The following NEMP2 variants were observed in gnomAD, a reference collection of about 807,000 sequenced individuals.
NEMP2 encodes the protein nuclear envelope integral membrane protein 2.
NEMP2 carries 53 observed loss-of-function variants against 54.2 expected under a neutral mutation model. The observed-to-expected ratio is 0.98, with a 90% CI of 0.78 to 1.23. NEMP2 has a LOEUF of 1.23. Among genes scored for constraint, NEMP2 ranks in the 50% most tolerant of loss-of-function variants. The probability of loss-of-function intolerance (pLI) is 0.00; values close to 1 mark genes in which losing one functional copy is unlikely to be tolerated. For missense variants in NEMP2, 455 were observed against 511.3 expected (o/e 0.89, Z 1.06); for synonymous variants, 197 against 190.3 (o/e 1.04, Z -0.29).
the NEMP2 span, among the ~76,000 whole-genome samples, chr2:190,448,448 G>A: frequency 6.6e-6 from 1 of 152,120 alleles, no homozygotes; most frequent in Non-Finnish European, 1.5e-5. Flanking sequence ...ATTCAATATG[G>A]TATAGTCATA....
the NEMP2 span, among the ~76,000 whole-genome samples, chr2:190,587,068 C>T: frequency 6.6e-6 from 1 of 152,096 alleles, no homozygotes; most frequent in Non-Finnish European, 1.5e-5. This position sits in a 1 kb window ranked among gnomAD's most constrained non-coding sequence, Gnocchi z 5.4. Context: ...TCCCAGTCAC[C>T]GGCTGTTCAA....
the NEMP2 span, among the ~76,000 whole-genome samples, chr2:190,562,877 T>C: frequency 1.3e-5 from 2 of 152,220 alleles, no homozygotes; most frequent in Non-Finnish European, 2.9e-5. The surrounding 1 kb of genome is among the most constrained non-coding windows in gnomAD (Gnocchi z 5.0). Flanking sequence ...CTCATTCCCC[T>C]GCTCTGTTTT....
At chr2:190,550,487 C>G in the NEMP2 span, among the ~76,000 whole-genome samples, 1 of 152,196 alleles carries the variant, frequency 6.6e-6, no homozygotes, top group African/African-American at 2.4e-5. The surrounding 1 kb of genome is among the most constrained non-coding windows in gnomAD (Gnocchi z 4.7). Flanking sequence ...CACAAACATT[C>G]AAACCATAGC....
intron 5 of NEMP2, among the ~76,000 whole-genome samples, chr2:190,517,090 CAAA>C (rs56324449): frequency 8.8e-4 from 79 of 89,350 alleles, no homozygotes; most frequent in African/African-American, 1.8e-3. Flanking sequence ...GACTGTGTCT[CAAA>C]AAAAAAAAAA....
downstream of NEMP2, chr2:190,499,936 C>G (rs925872517): frequency 6.3e-7 from 1 of 1,596,532 alleles, no homozygotes; most frequent in African/African-American, 1.3e-5. The surrounding 1 kb of genome is among the most constrained non-coding windows in gnomAD (Gnocchi z 6.0). Flanking sequence ...TGTTTCCTGT[C>G]TTACTTGAAA....
chr2:190,548,825 A>G, the NEMP2 span, among the ~76,000 whole-genome samples: 3 of 152,218 alleles, frequency 2.0e-5, no homozygotes, highest in East Asian at 3.8e-4. Flanking sequence ...CAAGAAGTAG[A>G]ATTTTCCAGC....
the NEMP2 span, among the ~76,000 whole-genome samples, chr2:190,616,692 T>G: frequency 6.6e-6 from 1 of 152,228 alleles, no homozygotes; most frequent in East Asian, 1.9e-4. The surrounding 1 kb of genome is among the most constrained non-coding windows in gnomAD (Gnocchi z 5.1). Flanking sequence ...GATACAGGAC[T>G]CATGCTGAGT....
At chr2:190,488,536 A>G in the NEMP2 span, 1 of 929,832 alleles carries the variant, frequency 1.1e-6, no homozygotes, top group Non-Finnish European at 1.5e-6. This position sits in a 1 kb window ranked among gnomAD's most constrained non-coding sequence, Gnocchi z 6.4. Flanking sequence ...TAAATTTTTA[A>G]TGTATGTTTT....
At chr2:190,483,835 CAAAAAAA>C in the NEMP2 span, among the ~76,000 whole-genome samples, 29 of 86,660 alleles carry the variant, frequency 3.3e-4, no homozygotes, top group South Asian at 8.9e-4. Context: ...AACTCATTTT[CAAAAAAA>C]AAAAAAAAAA....
At chr2:190,622,235 C>T in the NEMP2 span, among the ~76,000 whole-genome samples, 1 of 151,836 alleles carries the variant, frequency 6.6e-6, no homozygotes, top group Non-Finnish European at 1.5e-5. Context: ...GATCCTGTCT[C>T]CAAGAAAATA....
the NEMP2 span, chr2:190,609,198 C>T: frequency 1.3e-5 from 2 of 152,140 alleles, no homozygotes; most frequent in African/African-American, 4.8e-5. This position sits in a 1 kb window ranked among gnomAD's most constrained non-coding sequence, Gnocchi z 4.7. Context: ...AGCTTATATA[C>T]CTTCTAAGCT....
At chr2:190,428,857 G>T in the NEMP2 span, among the ~76,000 whole-genome samples, 2 of 151,882 alleles carry the variant, frequency 1.3e-5, no homozygotes, top group African/African-American at 2.4e-5. Context: ...AGTTTTAATA[G>T]AGATGGGGTT....
the NEMP2 span, among the ~76,000 whole-genome samples, chr2:190,627,674 T>C: frequency 6.6e-6 from 1 of 152,214 alleles, no homozygotes; most frequent in South Asian, 2.1e-4. The surrounding 1 kb of genome is among the most constrained non-coding windows in gnomAD (Gnocchi z 4.4). Context: ...TCTATTCTTT[T>C]TATTGCCAAT....
rs937472785 is a variant in NEMP2, at chr2:190,512,366, A to G, written c.954-1829T>C. Among the ~76,000 whole-genome samples, 2 of 152,194 alleles carry G rather than the reference A, an allele frequency of 1.3e-5. No homozygotes were observed. The highest frequency in any genetic ancestry group is 4.8e-5 in the African/African-American group (2 of 41,436). ...GGCCTATAGTAGGTGTTCAATAAGG[A>G]TAATCAAAAGAGTAGTTACCATATA... On this transcript the variant is annotated intron_variant, in intron 7 of 8. Transcript: ENST00000409150. The surrounding 1 kb of genome is among the most constrained non-coding windows in gnomAD (Gnocchi z 4.5).
At chr2:190,587,851 C>A in the NEMP2 span, among the ~76,000 whole-genome samples, 2 of 152,248 alleles carry the variant, frequency 1.3e-5, no homozygotes, top group Admixed American at 1.3e-4. This position sits in a 1 kb window ranked among gnomAD's most constrained non-coding sequence, Gnocchi z 5.4. Flanking sequence ...GGTGAGGGAA[C>A]TTCCTCACCA....
the NEMP2 span, among the ~76,000 whole-genome samples, chr2:190,481,767 C>T: frequency 2.0e-5 from 3 of 152,218 alleles, no homozygotes; most frequent in Non-Finnish European, 4.4e-5. Flanking sequence ...GGAATGTTGG[C>T]TTTTAACACA....
At chr2:190,456,291 A>G in the NEMP2 span, among the ~76,000 whole-genome samples, 1 of 152,088 alleles carries the variant, frequency 6.6e-6, no homozygotes, top group Non-Finnish European at 1.5e-5. This position sits in a 1 kb window ranked among gnomAD's most constrained non-coding sequence, Gnocchi z 5.4. Context: ...ATTTCACTTC[A>G]GACAGAGAAG....
the NEMP2 span, among the ~76,000 whole-genome samples, chr2:190,638,617 C>A: frequency 7.9e-5 from 12 of 152,122 alleles, no homozygotes; most frequent in African/African-American, 2.9e-4. The surrounding 1 kb of genome is among the most constrained non-coding windows in gnomAD (Gnocchi z 5.7). Flanking sequence ...AATTTAAAAT[C>A]AAAAAGTAGT....
At chr2:190,476,938 G>A in the NEMP2 span, among the ~76,000 whole-genome samples, 3 of 151,374 alleles carry the variant, frequency 2.0e-5, no homozygotes, top group African/African-American at 7.3e-5. Flanking sequence ...ATCATTCTCA[G>A]CAAACTATTG....
Sources: gnomAD v4.1 joint callset for allele counts (sites outside exome capture counted in the v4.1 genomes callset) on GRCh38, gnomAD v4.1.1 for gene constraint, Gnocchi (gnomAD v3.1) non-coding constraint, MANE v1.5 for transcripts, NCBI Gene and HGNC (gene_info 2026-07-23, HGNC 2026-07-21) for gene names.